The following PIP4K2A variants were observed in gnomAD, a reference collection of about 807,000 sequenced individuals.
PIP4K2A encodes the protein phosphatidylinositol 5-phosphate 4-kinase type-2 alpha.
A neutral mutation model predicts 42.9 loss-of-function variants in PIP4K2A; 14 were observed. The observed-to-expected ratio is 0.33, with a 90% confidence interval of 0.22 to 0.51. PIP4K2A has a LOEUF of 0.51. Ranked by LOEUF, PIP4K2A falls within the 20% of genes least tolerant of loss-of-function variation. The pLI, the probability that PIP4K2A is intolerant of heterozygous loss-of-function variation, is 0.97. For missense variants in PIP4K2A, 434 were observed against 519.8 expected (o/e 0.83, Z 1.61); for synonymous variants, 192 against 192.2 (o/e 1.00, Z 0.01).
intron 1 of PIP4K2A, among the ~76,000 whole-genome samples, chr10:22,702,281 T>C (rs1330208454): frequency 1.3e-5 from 2 of 152,230 alleles, no homozygotes; most frequent in African/African-American, 4.8e-5. Flanking sequence ...ACTGAGATAC[T>C]GACATTATCC....
chr10:22,664,142 C>CATATATATACATATAT (rs1839285422), intron 1 of PIP4K2A, among the ~76,000 whole-genome samples: 1 of 27,960 alleles, frequency 3.6e-5, no homozygotes, highest in Non-Finnish European at 5.6e-5. Flanking sequence ...TATATATATA[C>CATATATATACATATAT]ATATATATAC....
chr10:22,694,057 G>T (rs1422283902), intron 1 of PIP4K2A: 3 of 152,120 alleles, frequency 2.0e-5, no homozygotes, highest in Non-Finnish European at 4.4e-5. Context: ...ATACCCCTGG[G>T]TGCCACAGGG....
chr10:22,607,546 T>C (rs1227222492), intron 3 of PIP4K2A, among the ~76,000 whole-genome samples: 1 of 152,100 alleles, frequency 6.6e-6, no homozygotes, highest in Non-Finnish European at 1.5e-5. Context: ...GAGTCCTAAG[T>C]AGCCTCTACG....
intron 1 of PIP4K2A, among the ~76,000 whole-genome samples, chr10:22,630,904 G>C (rs1286985325): frequency 6.6e-6 from 1 of 152,134 alleles, no homozygotes; most frequent in Admixed American, 6.5e-5. Context: ...ACTCAGGCAA[G>C]GTTTGACACA....
chr10:22,660,465 C>T (rs1414600960), intron 1 of PIP4K2A, among the ~76,000 whole-genome samples: 4 of 151,686 alleles, frequency 2.6e-5, no homozygotes, highest in African/African-American at 4.8e-5. Context: ...AGTGAGACTC[C>T]ATCTCAAAAA....
chr10:22,543,983 G>A (rs367905980), intron 7 of PIP4K2A, among the ~76,000 whole-genome samples: 2 of 152,164 alleles, frequency 1.3e-5, no homozygotes. Flanking sequence ...ATCCAAGGAG[G>A]GGTGAATTCA....
intron 1 of PIP4K2A, among the ~76,000 whole-genome samples, chr10:22,610,523 T>G (rs1838008272): frequency 6.6e-6 from 1 of 152,160 alleles, no homozygotes; most frequent in African/African-American, 2.4e-5. Context: ...GCTGAAGGAT[T>G]CTCAGTTACA....
At chr10:22,550,430 G>C (rs1474658414) in intron 7 of PIP4K2A, among the ~76,000 whole-genome samples, 1 of 152,194 alleles carries the variant, frequency 6.6e-6, no homozygotes, top group Non-Finnish European at 1.5e-5. Context: ...GATGACAGCA[G>C]GTGCTTTCTT....
chr10:22,624,643 A>C (rs1158050934), intron 1 of PIP4K2A, among the ~76,000 whole-genome samples: 2 of 152,192 alleles, frequency 1.3e-5, no homozygotes, highest in African/African-American at 4.8e-5. Context: ...GGACCTTTGC[A>C]GGGGTCAGAG....
chr10:22,693,971 G>A (rs1002909240), intron 1 of PIP4K2A: 2 of 151,972 alleles, frequency 1.3e-5, no homozygotes, highest in South Asian at 2.1e-4. Flanking sequence ...CGGAGCCCTC[G>A]GATTAAAGCA....
rs1564411087 is a variant in PIP4K2A at position 22,539,922 on chromosome 10, A to AGAGAGAGAGAGAGAGG, written c.1140+48_1140+49insCCTCTCTCTCTCTCTC. 1.2e-4 allele frequency: 121 copies of AGAGAGAGAGAGAGAGG among 981,950 alleles called. No homozygotes were observed. In the African/African-American group the frequency reaches 2.0e-3, roughly 16 times the overall value. The allele number at this position is 981,950 out of a possible 1,614,324, so 60.8% of individuals were successfully genotyped here. On this transcript the variant is annotated intron_variant, in intron 9 of 9. Transcript: ENST00000376573. Reference sequence around the variant, plus strand: ...GAGAGAGAGAGAGAGGGAGAGAGAGAGAGAGAGAGGGAGAGAAAGAGAGAA... The same window carrying AGAGAGAGAGAGAGAGG: ...GAGAGAGAGAGAGAGGGAGAGAGAGAGAGAGAGAGAGAGAGGGAGAGAGAGGGAGAGAAAGAGAGAA...
At chr10:22,641,439 TTTTTTC>T (rs1166400605) in intron 1 of PIP4K2A, among the ~76,000 whole-genome samples, 3 of 152,264 alleles carry the variant, frequency 2.0e-5, no homozygotes, top group African/African-American at 2.4e-5. Context: ...CTGATCATTT[TTTTTTC>T]TTTTTCTTTT....
At chr10:22,682,924 T>A (rs912373980) in intron 1 of PIP4K2A, among the ~76,000 whole-genome samples, 2 of 152,222 alleles carry the variant, frequency 1.3e-5, no homozygotes, top group African/African-American at 4.8e-5. Flanking sequence ...GCACTACCCA[T>A]GACCTTGGGA....
At chr10:22,560,027 T>A (rs922674600) in intron 6 of PIP4K2A, among the ~76,000 whole-genome samples, 1 of 152,168 alleles carries the variant, frequency 6.6e-6, no homozygotes, top group Admixed American at 6.5e-5. Context: ...TGGTGCCACC[T>A]TTAAGGTCTG....
intron 1 of PIP4K2A, among the ~76,000 whole-genome samples, chr10:22,645,976 C>T (rs1430838150): frequency 2.0e-5 from 3 of 152,168 alleles, no homozygotes; most frequent in East Asian, 3.8e-4. Context: ...CCGATCTTGG[C>T]GTCCCAAAGT....
intron 1 of PIP4K2A, among the ~76,000 whole-genome samples, chr10:22,663,243 T>C (rs190697353): frequency 7.5e-4 from 114 of 152,360 alleles, no homozygotes; most frequent in African/African-American, 2.2e-3. Flanking sequence ...GACTGTAACA[T>C]AGGAAGAGGT....
Position 22,536,960 on chromosome 10 carries a change from C to T in PIP4K2A, c.*241G>A, listed in dbSNP as rs1040366466. 3.5e-6 allele frequency: 1 copy of T among 288,478 alleles called. No individual in the cohort carries two copies. The highest frequency in any genetic ancestry group is 5.9e-6 in the Non-Finnish European group (1 of 170,938). The allele number at this position is 288,478 out of a possible 1,614,324, so 17.9% of individuals were successfully genotyped here. A position where few individuals can be genotyped will look rare whatever the true frequency, so the allele number is the denominator to read the frequency against. On this transcript the variant is annotated 3_prime_UTR_variant, in exon 10 of 10. Transcript: ENST00000376573. ...ATGCACACGCGCGCACACACTCACCCCCCCCCAACACACACACACACACAT... is the reference window on the plus strand; with the variant it reads ...ATGCACACGCGCGCACACACTCACCTCCCCCCAACACACACACACACACAT...
intron 1 of PIP4K2A, among the ~76,000 whole-genome samples, chr10:22,645,910 C>CG (rs1303069173): frequency 6.6e-6 from 1 of 151,974 alleles, no homozygotes; most frequent in South Asian, 2.1e-4. Context: ...TTTGTAGAGA[C>CG]GGGGTCTCCC....
At chr10:22,651,790 G>A (rs947768898) in intron 1 of PIP4K2A, among the ~76,000 whole-genome samples, 1 of 152,228 alleles carries the variant, frequency 6.6e-6, no homozygotes, top group African/African-American at 2.4e-5. Context: ...AGGGTGCCAA[G>A]GACAGATGCG....
Sources: gnomAD v4.1 joint callset for allele counts (sites outside exome capture counted in the v4.1 genomes callset) on GRCh38, gnomAD v4.1.1 for gene constraint, MANE v1.5 for transcripts, NCBI Gene and HGNC (gene_info 2026-07-23, HGNC 2026-07-21) for gene names.